NAALADL2: variants seen among roughly 807,000 people sequenced by gnomAD.
NAALADL2 encodes the protein N-acetylated alpha-linked acidic dipeptidase like 2.
NAALADL2 carries 76 observed loss-of-function variants against 87.2 expected under a neutral mutation model. The ratio of observed to expected loss-of-function variants is 0.87; its 90% CI spans 0.72 to 1.05. NAALADL2 has a LOEUF of 1.05. Among genes scored for constraint, NAALADL2 ranks in the 50% least tolerant of loss-of-function variants. The pLI is 0.00. For missense variants in NAALADL2, 1,089 were observed against 945.8 expected (o/e 1.15, Z -1.99); for synonymous variants, 354 against 331.0 (o/e 1.07, Z -0.75).
At position 175,810,001 on chromosome 3, in the gene NAALADL2, T is replaced by C. The variant is rs1215693464; in HGVS notation, c.*6798T>C. On this transcript the variant is annotated 3_prime_UTR_variant, in exon 14 of 14. Transcript: ENST00000454872. Reference sequence around the variant, plus strand: ...TCAAGAGGTGTCCCAATTACTAAATTATGTTGAACTGTTGTGGTGTTTAGC... The same window carrying C: ...TCAAGAGGTGTCCCAATTACTAAATCATGTTGAACTGTTGTGGTGTTTAGC... 4 of 152,062 alleles carry C rather than the reference T, an allele frequency of 2.6e-5. No homozygotes were observed. The highest frequency in any genetic ancestry group is 5.9e-5 in the Non-Finnish European group (4 of 67,968). The allele number at this position is 152,062 out of a possible 1,614,324, so 9.4% of individuals were successfully genotyped here. A position where few individuals can be genotyped will look rare whatever the true frequency, so the allele number is the denominator to read the frequency against.
chr3:175,773,323 GAATA>G (rs778444830), intron 13 of NAALADL2: 24 of 152,010 alleles, frequency 1.6e-4, no homozygotes, highest in African/African-American at 9.7e-5. Flanking sequence ...AAAAATGAAT[GAATA>G]GTTTAGTTTT....
intron 4 of NAALADL2, among the ~76,000 whole-genome samples, chr3:175,323,899 T>C (rs1375077961): frequency 2.0e-5 from 3 of 151,222 alleles, no homozygotes; most frequent in Admixed American, 2.0e-4. Flanking sequence ...GCGCCTGTGG[T>C]CCCAGCTACT....
At position 174,859,359 on chromosome 3, in the gene NAALADL2, A is replaced by G. The variant is rs1279682446; in HGVS notation, c.-49A>G. On this transcript the variant is annotated 5_prime_UTR_variant, in exon 1 of 14. Coordinates refer to ENST00000454872, the MANE Select transcript of NAALADL2 (RefSeq NM_207015.3). ...AGAAGGTCACAAAGCTTGCAGGGTAAGTGACACAACTTGAAACTGCTTGGC... is the reference window on the plus strand; with the variant it reads ...AGAAGGTCACAAAGCTTGCAGGGTAGGTGACACAACTTGAAACTGCTTGGC... 2 of 1,429,570 alleles carry G rather than the reference A, an allele frequency of 1.4e-6. No homozygotes were observed. Among genetic ancestry groups the G allele is most frequent in the Non-Finnish European group, 2.0e-6 (2 of 1,022,904 alleles). 88.6% of individuals were successfully genotyped at this position (1,429,570 alleles called of 1,614,324 possible). A position where few individuals can be genotyped will look rare whatever the true frequency, so the allele number is the denominator to read the frequency against.
chr3:175,487,024 T>C (rs1727374954), intron 9 of NAALADL2, among the ~76,000 whole-genome samples: 1 of 152,194 alleles, frequency 6.6e-6, no homozygotes. Flanking sequence ...CAGTTATCCT[T>C]GAAGACTTAA....
chr3:174,856,641 G>C (rs1725890743), upstream of NAALADL2, among the ~76,000 whole-genome samples: 1 of 152,150 alleles, frequency 6.6e-6, no homozygotes, highest in South Asian at 2.1e-4. Context: ...CAAAAGTTAT[G>C]AGGCTGGCAA....
At chr3:175,282,617 A>G (rs7349469) in intron 4 of NAALADL2, among the ~76,000 whole-genome samples, 127,096 of 152,000 alleles carry the variant, frequency 0.84, 53,288 homozygotes, top group Middle Eastern at 0.91. Context: ...ACTCTACTGG[A>G]AGGCCTAGCT....
At chr3:174,783,038 G>T (rs1411576638) in intron 3 of NAALADL2, among the ~76,000 whole-genome samples, 2 of 152,030 alleles carry the variant, frequency 1.3e-5, no homozygotes, top group East Asian at 3.9e-4. Context: ...TATTTTCTAG[G>T]TTGCATCCAT....
chr3:175,574,769 A>G (rs1718614659), intron 9 of NAALADL2, among the ~76,000 whole-genome samples: 1 of 152,126 alleles, frequency 6.6e-6, no homozygotes, highest in African/African-American at 2.4e-5. Flanking sequence ...TATATAGATT[A>G]TATTTAAAAG....
At chr3:174,832,942 C>T (rs1023026876) in intron 3 of NAALADL2, among the ~76,000 whole-genome samples, 2 of 152,202 alleles carry the variant, frequency 1.3e-5, no homozygotes, top group African/African-American at 4.8e-5. Flanking sequence ...TGTATATTAG[C>T]ATTTATATTT....
At chr3:175,790,493 T>G (rs1752654150) in intron 13 of NAALADL2, among the ~76,000 whole-genome samples, 1 of 152,222 alleles carries the variant, frequency 6.6e-6, no homozygotes, top group African/African-American at 2.4e-5. Context: ...GAAACACTCA[T>G]TATCAATCTT....
intron 11 of NAALADL2, among the ~76,000 whole-genome samples, chr3:175,659,298 C>T (rs187652433): frequency 4.6e-5 from 7 of 152,142 alleles, no homozygotes; most frequent in Admixed American, 3.9e-4. Flanking sequence ...TTGATTCTCC[C>T]CTGTTACTAT....
intron 1 of NAALADL2, among the ~76,000 whole-genome samples, chr3:175,085,012 A>G (rs146181452): frequency 2.6e-5 from 4 of 152,268 alleles, no homozygotes; most frequent in Non-Finnish European, 4.4e-5. Context: ...GATGGAGCCT[A>G]TGGGAAAAGG....
Position 174,544,449 on chromosome 3 carries a change from C to CT in NAALADL2, c.-183-6114dup, listed in dbSNP as rs564668372. Among the ~76,000 whole-genome samples the CT allele has an allele frequency of 5.5e-4, 83 of 151,536 alleles. No individual in the cohort carries two copies. The East Asian group carries it at 9.1e-3, about 17-fold the overall frequency. On this transcript the variant is annotated intron_variant, in intron 1 of 3. Transcript: ENST00000434257. ...ATTAAAAAAGTCCTAGAATTCTTTCCTTTTTTGTTTAGGTTTTAGTAAATC... is the reference window on the plus strand; with the variant it reads ...ATTAAAAAAGTCCTAGAATTCTTTCCTTTTTTTGTTTAGGTTTTAGTAAATC...
chr3:175,108,922 G>T (rs1014506254), intron 2 of NAALADL2, among the ~76,000 whole-genome samples: 2 of 151,628 alleles, frequency 1.3e-5, no homozygotes, highest in African/African-American at 4.8e-5. Context: ...TCTCTTGGGG[G>T]TGGCATGGGC....
intron 3 of NAALADL2, among the ~76,000 whole-genome samples, chr3:174,768,589 T>C (rs1189284906): frequency 6.6e-6 from 1 of 152,200 alleles, no homozygotes; most frequent in East Asian, 1.9e-4. Flanking sequence ...TTAGTAGTTT[T>C]AAAAAATAAT....
intron 3 of NAALADL2, among the ~76,000 whole-genome samples, chr3:174,823,736 T>A (rs1312303097): frequency 6.6e-6 from 1 of 152,138 alleles, no homozygotes; most frequent in African/African-American, 2.4e-5. Flanking sequence ...GGGTTTTATT[T>A]TAATCTCAGA....
intron 4 of NAALADL2, among the ~76,000 whole-genome samples, chr3:175,307,581 A>ATT: frequency 6.6e-6 from 1 of 152,226 alleles, no homozygotes; most frequent in Non-Finnish European, 1.5e-5. Flanking sequence ...CACTGTAAGC[A>ATT]TTTTTTGTCT....
intron 2 of NAALADL2, among the ~76,000 whole-genome samples, chr3:174,650,025 A>G (rs1189662569): frequency 1.3e-5 from 2 of 151,240 alleles, no homozygotes; most frequent in Non-Finnish European, 2.9e-5. Context: ...TTTCAATATA[A>G]GTGGCAAGTC....
At chr3:175,191,849 C>T (rs1407037971) in intron 2 of NAALADL2, among the ~76,000 whole-genome samples, 1 of 152,074 alleles carries the variant, frequency 6.6e-6, no homozygotes, top group Non-Finnish European at 1.5e-5. Context: ...TAAGACAGTT[C>T]TTATCTATTT....
Sources: gnomAD v4.1 joint callset for allele counts (sites outside exome capture counted in the v4.1 genomes callset) on GRCh38, gnomAD v4.1.1 for gene constraint, MANE v1.5 for transcripts, NCBI Gene and HGNC (gene_info 2026-07-23, HGNC 2026-07-21) for gene names.